The following DAAM2 variants were observed in gnomAD, a reference collection of about 807,000 sequenced individuals.
DAAM2 encodes disheveled-associated activator of morphogenesis 2.
Under a neutral mutation model 120.7 loss-of-function variants are expected in DAAM2, and 39 were observed. The ratio of observed to expected loss-of-function variants is 0.32; its 90% CI spans 0.25 to 0.42. The LOEUF is 0.42. Among genes scored for constraint, DAAM2 ranks in the 10% least tolerant of loss-of-function variants. The probability of loss-of-function intolerance (pLI) is 1.00; values close to 1 mark genes in which losing one functional copy is unlikely to be tolerated. For synonymous variants in DAAM2, 488 were observed against 524.9 expected (o/e 0.93, Z 0.96); for missense variants, 1,283 against 1,401.7 (o/e 0.92, Z 1.35).
rs113615727 is a variant in DAAM2, at chr6:39,842,648, A to T, written c.-56-13599A>T. Among the ~76,000 whole-genome samples, 52 of 152,280 alleles carry T rather than the reference A, an allele frequency of 3.4e-4. 2 individuals are homozygous for T. Among genetic ancestry groups the T allele is most frequent in the African/African-American group, 1.3e-3 (52 of 41,558 alleles). ...ACTCCGTCTCAAAATAAATAAATAAATAAAAATAAAATCAATGAATACAAG... is the reference window on the plus strand; with the variant it reads ...ACTCCGTCTCAAAATAAATAAATAATTAAAAATAAAATCAATGAATACAAG... On this transcript the variant is annotated intron_variant, in intron 1 of 24. Coordinates refer to ENST00000274867, the MANE Select transcript of DAAM2 (RefSeq NM_001201427.2).
intron 1 of DAAM2, among the ~76,000 whole-genome samples, chr6:39,848,158 T>C (rs538096071): frequency 1.3e-5 from 2 of 152,300 alleles, no homozygotes; most frequent in South Asian, 4.1e-4. Context: ...TGACACTTCT[T>C]CTGGTGAATG....
chr6:39,900,714 G>A (rs886443915), intron 23 of DAAM2, among the ~76,000 whole-genome samples: 1 of 149,130 alleles, frequency 6.7e-6, no homozygotes, highest in Admixed American at 6.7e-5. Flanking sequence ...TTTCTAACAG[G>A]AGGTGAATCT....
In DAAM2 at chr6:39,834,833, A is replaced by G. The variant is rs139479221; in HGVS notation, c.-56-21414A>G. Among the ~76,000 whole-genome samples, 572 of 152,254 alleles carry G rather than the reference A, an allele frequency of 3.8e-3. 3 individuals are homozygous for G. The highest frequency in any genetic ancestry group is 0.013 in the African/African-American group (547 of 41,566). ...CAGGGCAGGGAAGGGAGCAAAATCA[A>G]TGAGAGGTGATTAAGGTGACCTGAG... is the stretch of plus-strand genomic sequence containing the variant. On this transcript the variant is annotated intron_variant, in intron 1 of 24. Coordinates refer to ENST00000274867, the MANE Select transcript of DAAM2 (RefSeq NM_001201427.2).
intron 1 of DAAM2, among the ~76,000 whole-genome samples, chr6:39,806,885 G>A (rs891546618): frequency 6.7e-6 from 1 of 150,094 alleles, no homozygotes; most frequent in Non-Finnish European, 1.5e-5. Context: ...CATCATACTG[G>A]ATGTGGAGCC....
chr6:39,873,181 T>C, intron 9 of DAAM2, 57 bp from the exon 10 acceptor site: 1 of 1,134,774 alleles, frequency 8.8e-7, no homozygotes, highest in Admixed American at 1.9e-5. Context: ...GTCTTCTCTC[T>C]CCTGCTGACT....
intron 22 of DAAM2, chr6:39,899,870 A>C (rs1458522726): frequency 2.0e-6 from 1 of 493,084 alleles, no homozygotes; most frequent in Non-Finnish European, 3.6e-6. Context: ...GTTGGGTCTC[A>C]GTGCTCTAGA....
chr6:39,796,756 A>G (rs1293707450), intron 1 of DAAM2, among the ~76,000 whole-genome samples: 2 of 152,034 alleles, frequency 1.3e-5, no homozygotes, highest in East Asian at 3.9e-4. Flanking sequence ...TTTAGAATCA[A>G]GCAGACAGAG....
At chr6:39,863,354 A>C (rs747381406) in intron 3 of DAAM2, among the ~76,000 whole-genome samples, 25 of 152,164 alleles carry the variant, frequency 1.6e-4, no homozygotes, top group Non-Finnish European at 2.9e-4. Flanking sequence ...ACCATGATTA[A>C]ATTTAACATT....
chr6:39,874,273 C>T (rs1282541340), intron 10 of DAAM2, among the ~76,000 whole-genome samples: 1 of 152,162 alleles, frequency 6.6e-6, no homozygotes, highest in Non-Finnish European at 1.5e-5. Context: ...TGTTCTGCCT[C>T]TTTGAGCTAG....
At chr6:39,838,890 C>T (rs1030113704) in intron 1 of DAAM2, among the ~76,000 whole-genome samples, 6 of 152,070 alleles carry the variant, frequency 3.9e-5, no homozygotes, top group South Asian at 4.2e-4. Context: ...AACTCCTGAC[C>T]GCAAGTGACC....
At position 39,891,987 on chromosome 6, in the gene DAAM2, C is replaced by T. The variant is rs2149359522; in HGVS notation, c.2341+265C>T. 1.3e-5 allele frequency among the ~76,000 whole-genome samples: 2 copies of T among 152,314 alleles called. 1 individual carries two copies. The highest frequency in any genetic ancestry group is 4.1e-4 in the South Asian group (2 of 4,822). Reference sequence around the variant, plus strand: ...AAGGTGGGGCGTCTGTTGACATCTGCCCCAGCATGGGATGGAAAGGTAGAA... The same window carrying T: ...AAGGTGGGGCGTCTGTTGACATCTGTCCCAGCATGGGATGGAAAGGTAGAA... On this transcript the variant is annotated intron_variant, in intron 19 of 24. Coordinates refer to ENST00000274867, the MANE Select transcript of DAAM2 (RefSeq NM_001201427.2).
At chr6:39,832,042 G>A (rs998936578) in intron 1 of DAAM2, among the ~76,000 whole-genome samples, 1 of 148,112 alleles carries the variant, frequency 6.8e-6, no homozygotes, top group African/African-American at 2.5e-5. Context: ...GGGGGCGCAG[G>A]TACACTGCGG....
chr6:39,832,922 C>T (rs934272892), intron 1 of DAAM2, among the ~76,000 whole-genome samples: 21 of 152,124 alleles, frequency 1.4e-4, no homozygotes, highest in Admixed American at 3.9e-4. Context: ...TCTGCCAGGA[C>T]GTCCACCCAC....
At chr6:39,807,658 A>C (rs1020088866) in intron 1 of DAAM2, among the ~76,000 whole-genome samples, 2 of 152,152 alleles carry the variant, frequency 1.3e-5, no homozygotes, top group Non-Finnish European at 2.9e-5. Context: ...CTGGGATTAC[A>C]GGCGAGCACA....
At chr6:39,868,598 G>A (rs1052720408) in intron 6 of DAAM2, 2 of 553,942 alleles carry the variant, frequency 3.6e-6, no homozygotes, top group East Asian at 6.0e-5. Flanking sequence ...CAAAGGCTGA[G>A]TGGAGAGGAA....
intron 1 of DAAM2, among the ~76,000 whole-genome samples, chr6:39,804,561 C>G (rs1373394606): frequency 6.7e-6 from 1 of 148,930 alleles, no homozygotes; most frequent in Non-Finnish European, 1.5e-5. Context: ...TGTATGCATG[C>G]ATGCGCACAT....
At chr6:39,829,543 G>C (rs1762802309) in intron 1 of DAAM2, among the ~76,000 whole-genome samples, 1 of 152,202 alleles carries the variant, frequency 6.6e-6, no homozygotes, top group Admixed American at 6.5e-5. Flanking sequence ...TTTATAGCCT[G>C]TGAGGGTTCT....
At chr6:39,812,721 C>T (rs988769801) in intron 1 of DAAM2, among the ~76,000 whole-genome samples, 1 of 152,002 alleles carries the variant, frequency 6.6e-6, no homozygotes, top group Non-Finnish European at 1.5e-5. Flanking sequence ...TGCCACCCTC[C>T]CCTCTGTTGC....
chr6:39,901,771 C>T lies in DAAM2; in HGVS notation c.2983-42C>T, dbSNP rs763450325. 2 of 1,475,494 alleles carry T rather than the reference C, an allele frequency of 1.4e-6. No homozygotes were observed. The highest frequency in any genetic ancestry group is 2.4e-4 in the Middle Eastern group (1 of 4,104). The allele number at this position is 1,475,494 out of a possible 1,614,324, so 91.4% of individuals were successfully genotyped here. On this transcript the variant is annotated intron_variant, in intron 24 of 24. Transcript: ENST00000274867. The surrounding 1 kb of genome is among the most constrained non-coding windows in gnomAD (Gnocchi z 4.5). ...TGGGGGGCTGCCCTGGCCTCAGCGC[C>T]TCTCCCTGAGAGGGTTCCTATCTTT...
Sources: allele counts gnomAD v4.1 joint callset (sites outside exome capture counted in the v4.1 genomes callset), GRCh38; gene constraint gnomAD v4.1.1; non-coding constraint Gnocchi (gnomAD v3.1); transcripts MANE v1.5; gene names NCBI Gene and HGNC (gene_info 2026-07-23, HGNC 2026-07-21).